Variants in C8orf88 observed in about 807,000 individuals in gnomAD.
C8orf88 encodes uncharacterized protein C8orf88.
C8orf88 carries 14 observed loss-of-function variants against 18.4 expected under a neutral mutation model. The ratio of observed to expected loss-of-function variants is 0.76; its 90% CI spans 0.50 to 1.19. C8orf88 has a LOEUF of 1.19. Among genes scored for constraint, C8orf88 ranks in the 50% most tolerant of loss-of-function variants. The pLI is 0.00. For synonymous variants in C8orf88, 45 were observed against 42.9 expected (o/e 1.05, Z -0.19); for missense variants, 116 against 134.7 (o/e 0.86, Z 0.69).
At chr8:90,968,657 CATATATATATATATATAT>C (rs34558575) in intron 4 of C8orf88, among the ~76,000 whole-genome samples, 9 of 72,800 alleles carry the variant, frequency 1.2e-4, no homozygotes, top group South Asian at 5.9e-4. Flanking sequence ...GAAAAGACAA[CATATATATATATATATAT>C]ATATATATAT....
chr8:90,984,437 G>A (rs1333999399), intron 1 of C8orf88, among the ~76,000 whole-genome samples: 1 of 152,098 alleles, frequency 6.6e-6, no homozygotes, highest in African/African-American at 2.4e-5. Context: ...TGACTCAAGT[G>A]GTGAAAGACA....
intron 4 of C8orf88, among the ~76,000 whole-genome samples, chr8:90,970,092 CAAT>C (rs1393456812): frequency 6.6e-6 from 1 of 151,712 alleles, no homozygotes; most frequent in African/African-American, 2.4e-5. Context: ...TTAGAAAAAA[CAAT>C]AAACTGTATG....
intron 4 of C8orf88, among the ~76,000 whole-genome samples, chr8:90,968,758 T>C (rs1811242153): frequency 6.9e-6 from 1 of 144,888 alleles, no homozygotes; most frequent in South Asian, 2.2e-4. Flanking sequence ...TATCCAGAAG[T>C]CTTGCAACTC....
chr8:90,961,649 T>G (rs749017974), intron 4 of C8orf88, among the ~76,000 whole-genome samples: 1 of 151,370 alleles, frequency 6.6e-6, no homozygotes, highest in Non-Finnish European at 1.5e-5. Context: ...AGATGGAAAC[T>G]TTACTGTTCA....
chr8:90,970,632 C>T lies in C8orf88; in HGVS notation c.223+434G>A, dbSNP rs116025414. Reference sequence around the variant, plus strand: ...AAGTGGAAGTACTATGTGCAACTTCCGGGTCATACTCTTAAGGGAAACTTC... The same window carrying T: ...AAGTGGAAGTACTATGTGCAACTTCTGGGTCATACTCTTAAGGGAAACTTC... On this transcript the variant is annotated intron_variant, in intron 4 of 5. Coordinates refer to ENST00000517562, the MANE Select transcript of C8orf88 (RefSeq NM_001190972.2). Among the ~76,000 whole-genome samples the T allele has an allele frequency of 3.0e-3, 459 of 152,098 alleles. 1 individual carries two copies. The highest frequency in any genetic ancestry group is 6.7e-3 in the African/African-American group (277 of 41,514).
At chr8:90,976,709 T>A (rs1811356707) in intron 3 of C8orf88, among the ~76,000 whole-genome samples, 1 of 152,010 alleles carries the variant, frequency 6.6e-6, no homozygotes, top group African/African-American at 2.4e-5. Context: ...TATAAATCAG[T>A]GTGGAAAGGA....
At chr8:90,960,904 C>T in intron 4 of C8orf88, 56 bp from the exon 5 acceptor site, 1 of 983,732 alleles carries the variant, frequency 1.0e-6, no homozygotes, top group Non-Finnish European at 1.5e-6. Context: ...GTCTAGATCA[C>T]TTTTTGGTTC....
intron 2 of C8orf88, among the ~76,000 whole-genome samples, chr8:90,979,291 G>T (rs765651431): frequency 1.3e-5 from 2 of 152,150 alleles, no homozygotes; most frequent in Non-Finnish European, 2.9e-5. Context: ...AGAGATGAAG[G>T]GGGGTGGGAG....
rs568265702 is a variant in C8orf88 at position 90,960,996 on chromosome 8, TG to T, written c.224-149del. Reference sequence around the variant, plus strand: ...CAAAAGAGAAGGAGAAAAAAGGCTTTGACAAGCATCTACTGCCTCCAATTCT... The same window carrying T: ...CAAAAGAGAAGGAGAAAAAAGGCTTTACAAGCATCTACTGCCTCCAATTCT... On this transcript the variant is annotated intron_variant, in intron 4 of 5. Coordinates refer to ENST00000517562, the MANE Select transcript of C8orf88 (RefSeq NM_001190972.2). The T allele has an allele frequency of 8.4e-4, 349 of 413,164 alleles. 2 individuals carry two copies. The highest frequency in any genetic ancestry group is 6.5e-3 in the African/African-American group (316 of 48,516). The allele number at this position is 413,164 out of a possible 1,614,324, so 25.6% of individuals were successfully genotyped here. A position where few individuals can be genotyped will look rare whatever the true frequency, so the allele number is the denominator to read the frequency against.
intron 4 of C8orf88, among the ~76,000 whole-genome samples, chr8:90,961,846 A>T (rs991105898): frequency 4.0e-5 from 6 of 151,544 alleles, no homozygotes; most frequent in African/African-American, 1.5e-4. Context: ...TTGGTCTGTA[A>T]ACCATAATTT....
chr8:90,961,341 T>A (rs1055391460), intron 4 of C8orf88, among the ~76,000 whole-genome samples: 2 of 151,258 alleles, frequency 1.3e-5, no homozygotes, highest in Admixed American at 1.3e-4. Flanking sequence ...GGCCCCTATC[T>A]TCAAGGAGAA....
At chr8:90,977,753 C>T (rs1323676428) in intron 3 of C8orf88, among the ~76,000 whole-genome samples, 2 of 151,950 alleles carry the variant, frequency 1.3e-5, no homozygotes, top group Non-Finnish European at 2.9e-5. Context: ...ACCAGCCTGG[C>T]CAATATGGTG....
At chr8:90,975,373 G>A in intron 3 of C8orf88, among the ~76,000 whole-genome samples, 1 of 151,982 alleles carries the variant, frequency 6.6e-6, no homozygotes, top group East Asian at 1.9e-4. Context: ...ATTAATGCAT[G>A]TATGATATAC....
At chr8:90,968,671 T>TAG in intron 4 of C8orf88, among the ~76,000 whole-genome samples, 1 of 129,818 alleles carries the variant, frequency 7.7e-6, no homozygotes, top group Non-Finnish European at 1.7e-5. Context: ...TATATATATA[T>TAG]ATATATATAT....
In C8orf88 at chr8:90,980,460, T is replaced by A. The variant is rs761869843; in HGVS notation, c.-25A>T. Reference sequence around the variant, plus strand: ...TTGTCACAAAGACTTTGAGGTTCCATACTAGAAGACAAAAAAATACATTTT... The same window carrying A: ...TTGTCACAAAGACTTTGAGGTTCCAAACTAGAAGACAAAAAAATACATTTT... On this transcript the variant is annotated splice_region_variant and 5_prime_UTR_variant, in exon 2 of 6. The change abolishes an upstream ATG in the 5' untranslated region. Transcript: ENST00000517562. 14 of 1,396,182 alleles carry A rather than the reference T, an allele frequency of 1.0e-5. No individual in the cohort carries two copies. The South Asian group carries it at 1.7e-4, about 17-fold the overall frequency. 86.5% of individuals were successfully genotyped at this position (1,396,182 alleles called of 1,614,324 possible).
At chr8:90,981,575 C>G (rs1458786918) in intron 1 of C8orf88, among the ~76,000 whole-genome samples, 5 of 152,144 alleles carry the variant, frequency 3.3e-5, no homozygotes, top group African/African-American at 1.2e-4. Context: ...TCCTTCCTTA[C>G]ATTCCTCCTT....
chr8:90,984,617 A>G (rs996099247), intron 1 of C8orf88, among the ~76,000 whole-genome samples: 10 of 152,124 alleles, frequency 6.6e-5, no homozygotes, highest in African/African-American at 2.2e-4. Context: ...ACAAAACACA[A>G]TTTAACATTC....
At chr8:90,982,288 A>G (rs766775003) in intron 1 of C8orf88, among the ~76,000 whole-genome samples, 9 of 152,150 alleles carry the variant, frequency 5.9e-5, no homozygotes, top group Non-Finnish European at 1.3e-4. Flanking sequence ...AATATTTTCT[A>G]TGTAGAAGAG....
intron 2 of C8orf88, among the ~76,000 whole-genome samples, chr8:90,979,617 A>G (rs142380060): frequency 2.0e-5 from 3 of 152,342 alleles, no homozygotes; most frequent in Non-Finnish European, 2.9e-5. Flanking sequence ...TAAACTCAAC[A>G]AAGTATCTAT....
Sources: gnomAD v4.1 joint callset for allele counts (sites outside exome capture counted in the v4.1 genomes callset) on GRCh38, gnomAD v4.1.1 for gene constraint, MANE v1.5 for transcripts, NCBI Gene and HGNC (gene_info 2026-07-23, HGNC 2026-07-21) for gene names.